ZNF254: variants seen among roughly 807,000 people sequenced by gnomAD.
ZNF254 encodes the protein zinc finger protein 254, also known as CTD-2017D11.1.
ZNF254 carries 10 observed loss-of-function variants against 12.4 expected under a neutral mutation model. That is an observed-to-expected ratio of 0.80 (90% CI 0.50 to 1.36). ZNF254 has a LOEUF of 1.36. Among genes scored for constraint, ZNF254 ranks in the 40% most tolerant of loss-of-function variants. ZNF254 has a pLI of 0.00. For synonymous variants in ZNF254, 305 were observed against 253.4 expected, an observed-to-expected ratio of 1.20 and a Z score of -1.93; for missense variants, 996 against 763.9, an observed-to-expected ratio of 1.30 and a Z score of -3.58.
At chr19:24,097,291 C>A (rs1320976606) in intron 1 of ZNF254, among the ~76,000 whole-genome samples, 1 of 151,964 alleles carries the variant, frequency 6.6e-6, no homozygotes, top group Non-Finnish European at 1.5e-5. Flanking sequence ...TAAAAATAGA[C>A]AAAATTTAGC....
chr19:24,111,606 C>T (rs567590930), intron 3 of ZNF254, among the ~76,000 whole-genome samples: 2 of 152,354 alleles, frequency 1.3e-5, no homozygotes, highest in Non-Finnish European at 2.9e-5. Context: ...ACATCTTCTC[C>T]AGCACCTGTT....
rs575080031 is a variant in ZNF254 at position 24,072,731 on chromosome 19, G to A, written c.-94+26452G>A. 2.0e-5 allele frequency among the ~76,000 whole-genome samples: 3 copies of A among 152,262 alleles called. No homozygotes were observed. The East Asian group carries it at 5.8e-4, about 29-fold the overall frequency. The stretch of plus-strand genomic sequence containing the variant: ...CAGAGAAAACTGTGACATATAACTT[G>A]GCCCAGTATCCAAGTAATGTGACTT... On this transcript the variant is annotated intron_variant, in intron 2 of 4. Coordinates refer to the ZNF254 transcript ENST00000613065.
intron 3 of ZNF254, among the ~76,000 whole-genome samples, chr19:24,122,954 A>G (rs1974587602): frequency 1.3e-5 from 2 of 152,190 alleles, no homozygotes; most frequent in African/African-American, 4.8e-5. Flanking sequence ...GTGTGATTTA[A>G]TCAAGAACTT....
upstream of ZNF254, chr19:24,087,112 A>G (rs1972069344): frequency 1.7e-6 from 1 of 592,802 alleles, no homozygotes; most frequent in South Asian, 1.7e-5. Flanking sequence ...TTATCCAACT[A>G]GGGACGTTGG....
upstream of ZNF254, among the ~76,000 whole-genome samples, chr19:24,086,121 C>T (rs1269157618): frequency 2.6e-5 from 4 of 151,700 alleles, no homozygotes; most frequent in South Asian, 2.1e-4. Flanking sequence ...GCAGGAGAAT[C>T]GCTTGAACCC....
At chr19:24,081,683 T>A (rs1446844125) in intron 2 of ZNF254, among the ~76,000 whole-genome samples, 2 of 152,152 alleles carry the variant, frequency 1.3e-5, no homozygotes, top group African/African-American at 4.8e-5. Flanking sequence ...GAGCATACCC[T>A]GGTGAAGACT....
intron 1 of ZNF254, among the ~76,000 whole-genome samples, chr19:24,039,246 A>G (rs1252467202): frequency 6.6e-6 from 1 of 152,136 alleles, no homozygotes; most frequent in Non-Finnish European, 1.5e-5. Context: ...AAATTTTGAG[A>G]TTGTGTGAGG....
At position 24,042,647 on chromosome 19, in the gene ZNF254, C is replaced by T. The variant is rs933149850; in HGVS notation, c.-189-3537C>T. Among the ~76,000 whole-genome samples, 4 of 152,292 alleles carry T rather than the reference C, an allele frequency of 2.6e-5. No homozygotes were observed. In the East Asian group the frequency reaches 7.7e-4, roughly 29 times the overall value. ...CTGTAACACTCACTGCGAGGGTCCG[C>T]GGCTTCATTCTTGAAGTCAGTGAGA... On this transcript the variant is annotated intron_variant, in intron 1 of 4. Transcript: ENST00000613065.
chr19:24,112,040 A>G (rs1180532765), intron 3 of ZNF254, among the ~76,000 whole-genome samples: 7 of 146,954 alleles, frequency 4.8e-5, no homozygotes, highest in Admixed American at 4.1e-4. Context: ...TATGTCCGGA[A>G]TGGTAATGCC....
At chr19:24,040,110 T>A (rs1416128719) in intron 1 of ZNF254, among the ~76,000 whole-genome samples, 1 of 152,172 alleles carries the variant, frequency 6.6e-6, no homozygotes, top group Non-Finnish European at 1.5e-5. Flanking sequence ...GCCAACTCCC[T>A]GCCCCAGCCC....
At chr19:24,053,504 C>G (rs937635447) in intron 2 of ZNF254, among the ~76,000 whole-genome samples, 2 of 152,078 alleles carry the variant, frequency 1.3e-5, no homozygotes, top group Non-Finnish European at 1.5e-5. Context: ...TGATGTGAGT[C>G]TATTCTCTTG....
intron 2 of ZNF254, among the ~76,000 whole-genome samples, chr19:24,068,842 G>A (rs1022788584): frequency 1.3e-5 from 2 of 152,140 alleles, no homozygotes; most frequent in African/African-American, 4.8e-5. Flanking sequence ...GGCAATAAAA[G>A]AGTTATAGTC....
chr19:24,115,647 A>T (rs1271109725), intron 3 of ZNF254, among the ~76,000 whole-genome samples: 1 of 152,204 alleles, frequency 6.6e-6, no homozygotes, highest in African/African-American at 2.4e-5. Context: ...CACATTGTGC[A>T]CATGTACCGT....
chr19:24,127,250 G>C lies in ZNF254; in HGVS notation c.1250G>C (p.Arg417Pro), dbSNP rs202209095. The change falls in exon 4 of 4, where the codon CGA (arginine) becomes CCA (proline). Residue 417 changes from arginine to proline, a missense_variant. By Grantham distance (103) the Arg-to-Pro change is moderately radical (BLOSUM62 -2). Coordinates refer to ENST00000357002, the MANE Select transcript of ZNF254 (RefSeq NM_203282.4). ...GAAGAATGCGGCAAAGGTTTTAATC[G>C]ATCTTCAAATCTTACTACACATAAG... is the stretch of plus-strand genomic sequence containing the variant. ...KCEECGKGFN[R>P]SSNLTTHKII... 250 of 1,612,108 alleles carry C rather than the reference G, an allele frequency of 1.6e-4. No homozygotes were observed. Among genetic ancestry groups the C allele is most frequent in the Non-Finnish European group, 2.1e-4 (247 of 1,179,490 alleles).
At chr19:24,122,749 T>C (rs1345506146) in intron 3 of ZNF254, among the ~76,000 whole-genome samples, 1 of 152,218 alleles carries the variant, frequency 6.6e-6, no homozygotes, top group African/African-American at 2.4e-5. Flanking sequence ...ATCTACTGAA[T>C]GATTTGGTGA....
chr19:24,067,761 C>T (rs1204329848), intron 2 of ZNF254, among the ~76,000 whole-genome samples: 5 of 151,436 alleles, frequency 3.3e-5, no homozygotes, highest in Admixed American at 6.6e-5. Context: ...CCAGCACCTA[C>T]GTAATGGGAC....
At chr19:24,037,889 G>C (rs577898624) in intron 1 of ZNF254, among the ~76,000 whole-genome samples, 1 of 152,166 alleles carries the variant, frequency 6.6e-6, no homozygotes, top group South Asian at 2.1e-4. Context: ...GATTATAGGC[G>C]TGAGACATCA....
At chr19:24,114,320 G>C (rs963350233) in intron 3 of ZNF254, among the ~76,000 whole-genome samples, 16 of 144,220 alleles carry the variant, frequency 1.1e-4, no homozygotes, top group Admixed American at 7.8e-4. Flanking sequence ...GTACTGGTAC[G>C]AAAACAGAGA....
At chr19:24,060,273 G>T (rs1006473441) in intron 2 of ZNF254, among the ~76,000 whole-genome samples, 1 of 152,162 alleles carries the variant, frequency 6.6e-6, no homozygotes, top group African/African-American at 2.4e-5. Context: ...GTTCACTAGG[G>T]GATAATGATA....
Sources: gnomAD v4.1 joint callset for allele counts (sites outside exome capture counted in the v4.1 genomes callset) on GRCh38, gnomAD v4.1.1 for gene constraint, MANE v1.5 for transcripts, NCBI Gene and HGNC (gene_info 2026-07-23, HGNC 2026-07-21) for gene names.